MMP16: variants seen among roughly 807,000 people sequenced by gnomAD.
The protein encoded by MMP16 is matrix metallopeptidase 16.
MMP16 carries 12 observed loss-of-function variants against 67.8 expected under a neutral mutation model. The observed-to-expected ratio is 0.18, with a 90% CI of 0.11 to 0.29. MMP16 has a LOEUF of 0.29. Ranked by LOEUF, MMP16 falls within the 10% of genes least tolerant of loss-of-function variation. MMP16 has a pLI of 1.00. For synonymous variants in MMP16, 249 were observed against 255.9 expected (o/e 0.97, Z 0.26); for missense variants, 475 against 765.7 (o/e 0.62, Z 4.48).
chr8:88,265,781 A>G (rs989077669), intron 1 of MMP16, among the ~76,000 whole-genome samples: 1 of 152,230 alleles, frequency 6.6e-6, no homozygotes, highest in Non-Finnish European at 1.5e-5. Flanking sequence ...AAAAACTGAC[A>G]AATGACTTTA....
intron 4 of MMP16, among the ~76,000 whole-genome samples, chr8:88,151,281 A>T (rs1808401868): frequency 6.8e-6 from 1 of 147,062 alleles, no homozygotes; most frequent in East Asian, 2.0e-4. Flanking sequence ...TTAACACCCC[A>T]CTGTCAACAT....
intron 7 of MMP16, among the ~76,000 whole-genome samples, chr8:88,070,090 A>C (rs1808526147): frequency 6.6e-6 from 1 of 152,076 alleles, no homozygotes; most frequent in African/African-American, 2.4e-5. Flanking sequence ...TTCCAATCTA[A>C]AATATTTTTA....
intron 1 of MMP16, among the ~76,000 whole-genome samples, chr8:88,264,540 GT>G (rs1190838693): frequency 6.6e-6 from 1 of 152,108 alleles, no homozygotes; most frequent in Non-Finnish European, 1.5e-5. Context: ...TATCTCACAT[GT>G]TTTTAAAGTA....
At chr8:88,255,915 T>G (rs1810293970) in intron 1 of MMP16, among the ~76,000 whole-genome samples, 1 of 152,164 alleles carries the variant, frequency 6.6e-6, no homozygotes. Flanking sequence ...TAGGGAACTT[T>G]TCTATAGATG....
chr8:88,167,644 C>T (rs1808735813), intron 4 of MMP16, 25 bp downstream of exon 4: 2 of 1,542,868 alleles, frequency 1.3e-6, no homozygotes, highest in African/African-American at 1.4e-5. Context: ...GAAATATTTA[C>T]ACTGTAAAAC....
chr8:88,048,840 A>T (rs1442554086), intron 8 of MMP16, among the ~76,000 whole-genome samples: 1 of 152,230 alleles, frequency 6.6e-6, no homozygotes, highest in African/African-American at 2.4e-5. Flanking sequence ...TTTATCTGAA[A>T]TTAGAAAAAA....
intron 1 of MMP16, among the ~76,000 whole-genome samples, chr8:88,258,454 C>T (rs1019708722): frequency 6.6e-6 from 1 of 152,126 alleles, no homozygotes; most frequent in South Asian, 2.1e-4. Context: ...TCTCCCTGAC[C>T]TAAGAAATCA....
At chr8:88,176,262 C>T (rs1808888730) in intron 3 of MMP16, among the ~76,000 whole-genome samples, 1 of 152,190 alleles carries the variant, frequency 6.6e-6, no homozygotes, top group East Asian at 1.9e-4. Flanking sequence ...AACATAATTA[C>T]TTGTATGCTT....
intron 1 of MMP16, among the ~76,000 whole-genome samples, chr8:88,240,948 A>G (rs1810023963): frequency 6.6e-6 from 1 of 152,160 alleles, no homozygotes; most frequent in Non-Finnish European, 1.5e-5. Context: ...TTAATTTATG[A>G]TATAATCTTC....
chr8:88,296,049 G>C (rs1215161079), intron 1 of MMP16, among the ~76,000 whole-genome samples: 5 of 152,076 alleles, frequency 3.3e-5, no homozygotes, highest in Admixed American at 1.3e-4. Context: ...ACTGAGACTA[G>C]TCCAAATAGA....
intron 2 of MMP16, among the ~76,000 whole-genome samples, chr8:88,192,917 G>A (rs1654524263): frequency 6.6e-6 from 1 of 151,968 alleles, no homozygotes; most frequent in African/African-American, 2.4e-5. Flanking sequence ...AAAGCTGGGG[G>A]GCATCTGAAG....
intron 1 of MMP16, among the ~76,000 whole-genome samples, chr8:88,208,347 A>T (rs994658860): frequency 5.3e-5 from 8 of 152,240 alleles, no homozygotes; most frequent in Non-Finnish European, 1.0e-4. Flanking sequence ...AGTTGTCTGG[A>T]CAATGAGAAT....
At chr8:88,317,664 G>A (rs1269670682) in intron 1 of MMP16, among the ~76,000 whole-genome samples, 23 of 152,134 alleles carry the variant, frequency 1.5e-4, no homozygotes, top group Admixed American at 1.5e-3. Flanking sequence ...TTTAAATTTT[G>A]TAAAAATCAG....
chr8:88,219,804 C>A (rs530589134), intron 1 of MMP16, among the ~76,000 whole-genome samples: 1 of 152,024 alleles, frequency 6.6e-6, no homozygotes, highest in Non-Finnish European at 1.5e-5. Flanking sequence ...TCCTTAATGC[C>A]ATTTTCGTGT....
intron 4 of MMP16, among the ~76,000 whole-genome samples, chr8:88,120,424 T>C (rs2118441031): frequency 6.6e-6 from 1 of 152,016 alleles, no homozygotes; most frequent in Non-Finnish European, 1.5e-5. Flanking sequence ...TTAGTTAAAA[T>C]ACAAATCTGA....
intron 1 of MMP16, among the ~76,000 whole-genome samples, chr8:88,315,310 G>A (rs1811360125): frequency 6.6e-6 from 1 of 152,096 alleles, no homozygotes; most frequent in Non-Finnish European, 1.5e-5. Context: ...TTTTTCATTA[G>A]ATGATATCTG....
chr8:88,042,080 C>G (rs1286560525), intron 9 of MMP16, among the ~76,000 whole-genome samples: 1 of 152,128 alleles, frequency 6.6e-6, no homozygotes, highest in Non-Finnish European at 1.5e-5. Flanking sequence ...TACTCCTAGT[C>G]CAAGCTAGAA....
At chr8:88,097,595 C>T (rs1352611442) in intron 6 of MMP16, among the ~76,000 whole-genome samples, 2 of 123,554 alleles carry the variant, frequency 1.6e-5, no homozygotes, top group African/African-American at 6.2e-5. Context: ...CACTGCACTC[C>T]AACCTGAGAG....
chr8:88,202,622 A>G (rs1809361157), intron 1 of MMP16, among the ~76,000 whole-genome samples: 1 of 152,076 alleles, frequency 6.6e-6, no homozygotes, highest in African/African-American at 2.4e-5. Flanking sequence ...AGAAAGATTT[A>G]TAGTGTACAT....
Sources: allele counts gnomAD v4.1 joint callset (sites outside exome capture counted in the v4.1 genomes callset), GRCh38; gene constraint gnomAD v4.1.1; transcripts MANE v1.5; gene names NCBI Gene and HGNC (gene_info 2026-07-23, HGNC 2026-07-21).